The following DAB1 variants were observed in gnomAD, a reference collection of about 807,000 sequenced individuals.
DAB1 encodes the protein disabled homolog 1.
Under a neutral mutation model 64.6 loss-of-function variants are expected in DAB1, and 15 were observed. That is an observed-to-expected ratio of 0.23 (90% CI 0.16 to 0.36). The LOEUF (loss-of-function observed/expected upper bound fraction) is 0.36, where lower values mean the gene tolerates loss of function less well. DAB1 is among the 10% of genes least tolerant of loss of function. The pLI is 1.00. For missense variants in DAB1, 596 were observed against 706.7 expected (o/e 0.84, Z 1.78); for synonymous variants, 235 against 251.9 (o/e 0.93, Z 0.64).
At chr1:57,879,728 G>A (rs1228722411) in intron 1 of DAB1, among the ~76,000 whole-genome samples, 2 of 152,160 alleles carry the variant, frequency 1.3e-5, no homozygotes, top group Non-Finnish European at 1.5e-5. Context: ...CCACCTGGCT[G>A]ACACCTAAGC....
chr1:58,349,655 G>C (rs1242317943), intron 3 of DAB1, among the ~76,000 whole-genome samples: 3 of 151,806 alleles, frequency 2.0e-5, no homozygotes, highest in Non-Finnish European at 2.9e-5. Context: ...TCCCCTCCCT[G>C]TGTCCATGTG....
At chr1:58,462,171 C>G (rs1020965096) in intron 3 of DAB1, among the ~76,000 whole-genome samples, 25 of 141,164 alleles carry the variant, frequency 1.8e-4, no homozygotes, top group Non-Finnish European at 3.2e-4. Context: ...CCAGGCCGGA[C>G]TGCGGACTGC....
intron 5 of DAB1, among the ~76,000 whole-genome samples, chr1:58,058,975 C>T (rs1162723422): frequency 6.6e-6 from 1 of 152,162 alleles, no homozygotes; most frequent in Non-Finnish European, 1.5e-5. Flanking sequence ...CATCTGTGGC[C>T]ATCTGCTCTA....
intron 7 of DAB1, among the ~76,000 whole-genome samples, chr1:57,558,787 C>A (rs1198542143): frequency 6.6e-5 from 10 of 152,182 alleles, no homozygotes; most frequent in Non-Finnish European, 1.2e-4. Flanking sequence ...AATACCTGAT[C>A]TCCCTTAGTT....
chr1:57,537,303 T>A (rs903031991), intron 7 of DAB1, among the ~76,000 whole-genome samples: 2 of 152,176 alleles, frequency 1.3e-5, no homozygotes, highest in African/African-American at 4.8e-5. Context: ...ATTCCAGGTC[T>A]CCATTCTCTG....
At chr1:57,378,739 G>A (rs1278056232) in intron 1 of DAB1, among the ~76,000 whole-genome samples, 2 of 152,178 alleles carry the variant, frequency 1.3e-5, no homozygotes, top group African/African-American at 2.4e-5. Context: ...GCATTAGGGA[G>A]AAGAAGGAGT....
At chr1:57,920,631 TAGC>T (rs930744259) in intron 5 of DAB1, among the ~76,000 whole-genome samples, 1 of 152,156 alleles carries the variant, frequency 6.6e-6, no homozygotes, top group Admixed American at 6.6e-5. Context: ...ATCCACTACT[TAGC>T]AGCTAGACAA....
intron 3 of DAB1, among the ~76,000 whole-genome samples, chr1:58,348,375 C>G (rs554467219): frequency 6.6e-6 from 1 of 152,134 alleles, no homozygotes; most frequent in African/African-American, 2.4e-5. Context: ...ACCAGTAAAA[C>G]AACATGAGGC....
At chr1:58,217,398 G>C (rs1039452366) in intron 4 of DAB1, among the ~76,000 whole-genome samples, 1 of 152,154 alleles carries the variant, frequency 6.6e-6, no homozygotes, top group Non-Finnish European at 1.5e-5. Flanking sequence ...AGTCCCCAGG[G>C]GTAGCCCAGA....
At chr1:57,399,047 T>G (rs1397424788) in intron 1 of DAB1, among the ~76,000 whole-genome samples, 1 of 152,222 alleles carries the variant, frequency 6.6e-6, no homozygotes, top group East Asian at 1.9e-4. Flanking sequence ...GGTCTGTAGT[T>G]GAAGCTTGAA....
Position 58,216,383 on chromosome 1 carries a change from T to C in DAB1, n.310-65795A>G, listed in dbSNP as rs141881957. Among the ~76,000 whole-genome samples, 174 of 152,354 alleles carry C rather than the reference T, an allele frequency of 1.1e-3. 1 individual carries two copies. The highest frequency in any genetic ancestry group is 4.1e-3 in the African/African-American group (169 of 41,584). On this transcript the variant is annotated intron_variant and non_coding_transcript_variant, in intron 4 of 20. Transcript: ENST00000485760. ...CTCATCCTTTTTTATGGCTGCATAG[T>C]ATTCCATGGTGAATATGTGCCACAT...
At chr1:57,190,435 G>A in intron 2 of DAB1, among the ~76,000 whole-genome samples, 1 of 152,154 alleles carries the variant, frequency 6.6e-6, no homozygotes, top group East Asian at 1.9e-4. Flanking sequence ...CCAGAAAGGT[G>A]AAGTGACCTG....
chr1:57,207,400 T>C (rs1281865719), intron 2 of DAB1, among the ~76,000 whole-genome samples: 1 of 150,782 alleles, frequency 6.6e-6, no homozygotes, highest in African/African-American at 2.4e-5. Context: ...TGTTCATTTA[T>C]AAAAATGATA....
intron 7 of DAB1, among the ~76,000 whole-genome samples, chr1:57,524,056 A>G (rs116286310): frequency 0.01 from 1,559 of 152,344 alleles, 24 homozygotes; most frequent in African/African-American, 0.036. Flanking sequence ...AAATCATCAC[A>G]GGAAGAAACA....
chr1:57,571,168 C>T (rs547889935), intron 7 of DAB1, among the ~76,000 whole-genome samples: 94 of 152,288 alleles, frequency 6.2e-4, no homozygotes, highest in African/African-American at 2.2e-3. Flanking sequence ...GTTTGACTTC[C>T]TCTTTACTGA....
intron 7 of DAB1, among the ~76,000 whole-genome samples, chr1:57,598,475 T>C (rs1645537117): frequency 6.6e-6 from 1 of 152,234 alleles, no homozygotes; most frequent in South Asian, 2.1e-4. Context: ...TTAAATGACA[T>C]ACCCTATATA....
chr1:58,505,680 C>T (rs1645976959), intron 3 of DAB1, among the ~76,000 whole-genome samples: 1 of 152,102 alleles, frequency 6.6e-6, no homozygotes, highest in African/African-American at 2.4e-5. Context: ...AACTTCTGTA[C>T]AACTCATTAA....
upstream of DAB1, among the ~76,000 whole-genome samples, chr1:57,427,107 C>T (rs935853013): frequency 6.6e-6 from 1 of 152,114 alleles, no homozygotes; most frequent in South Asian, 2.1e-4. Flanking sequence ...TCATGATCCA[C>T]CCGCCTCGGC....
chr1:57,975,373 C>A (rs943844990), intron 5 of DAB1, among the ~76,000 whole-genome samples: 1 of 152,126 alleles, frequency 6.6e-6, no homozygotes, highest in Non-Finnish European at 1.5e-5. Context: ...TTAAAGAGGG[C>A]AATACTGAAC....
Sources: allele counts gnomAD v4.1 joint callset (sites outside exome capture counted in the v4.1 genomes callset), GRCh38; gene constraint gnomAD v4.1.1; transcripts MANE v1.5; gene names NCBI Gene and HGNC (gene_info 2026-07-23, HGNC 2026-07-21).